LDLRAP1: variants seen among roughly 807,000 people sequenced by gnomAD.
The protein encoded by LDLRAP1 is low density lipoprotein receptor adapter protein 1.
In LDLRAP1, 30 loss-of-function variants were observed where a neutral mutation model predicts 37.8. The observed-to-expected ratio is 0.79, with a 90% confidence interval of 0.59 to 1.08. The LOEUF is 1.08. Among genes scored for constraint, LDLRAP1 ranks in the 50% least tolerant of loss-of-function variants. LDLRAP1 has a pLI of 0.00. For synonymous variants in LDLRAP1, 156 were observed against 169.8 expected, an observed-to-expected ratio of 0.92 and a Z score of 0.63; for missense variants, 375 against 401.6, an observed-to-expected ratio of 0.93 and a Z score of 0.57.
chr1:25,586,175 A>C, the LDLRAP1 span, among the ~76,000 whole-genome samples: 1 of 152,196 alleles, frequency 6.6e-6, no homozygotes, highest in Admixed American at 6.5e-5. The surrounding 1 kb of genome is among the most constrained non-coding windows in gnomAD (Gnocchi z 4.3). Flanking sequence ...AGAGGCCCAG[A>C]CTTCTAAAGA....
intron 4 of LDLRAP1, among the ~76,000 whole-genome samples, chr1:25,561,034 G>A (rs61776823): frequency 0.54 from 82,744 of 152,188 alleles, 22,810 homozygotes; most frequent in African/African-American, 0.63. Flanking sequence ...ATGTATGCAA[G>A]TGAACAATCA....
At chr1:25,545,350 G>A (rs2124638075) in intron 1 of LDLRAP1, among the ~76,000 whole-genome samples, 1 of 152,296 alleles carries the variant, frequency 6.6e-6, no homozygotes, top group African/African-American at 2.4e-5. Flanking sequence ...CTTTGGATGT[G>A]GAAGAGAATT....
intron 1 of LDLRAP1, among the ~76,000 whole-genome samples, chr1:25,547,897 T>C (rs1318519706): frequency 6.6e-6 from 1 of 152,194 alleles, no homozygotes. Flanking sequence ...GCAGGGAATG[T>C]TGAACTGGAG....
chr1:25,553,828 G>A, intron 1 of LDLRAP1, 94 bp from the exon 2 acceptor site: 1 of 1,483,456 alleles, frequency 6.7e-7, no homozygotes, highest in Admixed American at 1.9e-5. Context: ...CATCCCCCTT[G>A]CTGGGGTTTC....
At chr1:25,569,763 G>A (rs1318832386), downstream of LDLRAP1, among the ~76,000 whole-genome samples, 4 of 152,208 alleles carry the variant, frequency 2.6e-5, no homozygotes, top group South Asian at 2.1e-4. Flanking sequence ...TGTGCTGAGC[G>A]CAGATGGCAG....
At chr1:25,552,325 T>G (rs2044090474) in intron 1 of LDLRAP1, among the ~76,000 whole-genome samples, 1 of 152,204 alleles carries the variant, frequency 6.6e-6, no homozygotes, top group South Asian at 2.1e-4. Flanking sequence ...ACTTTCTTCC[T>G]GTGGCTTTTC....
intron 5 of LDLRAP1, 160 bp from the exon 6 acceptor site, chr1:25,562,910 T>C (rs1390721879): frequency 1.1e-5 from 9 of 835,428 alleles, no homozygotes; most frequent in Admixed American, 9.8e-5. Context: ...CCAAAGGTGC[T>C]TGTGAGGATT....
At chr1:25,563,536 G>A (rs2044397741) in intron 6 of LDLRAP1, 125 bp from the exon 7 acceptor site, 2 of 1,322,398 alleles carry the variant, frequency 1.5e-6, no homozygotes, top group Non-Finnish European at 2.1e-6. Context: ...GCCAGGGCCG[G>A]GCTCTGCTGG....
At chr1:25,564,433 C>G (rs578030364) in intron 7 of LDLRAP1, 1 of 162,424 alleles carries the variant, frequency 6.2e-6, no homozygotes, top group African/African-American at 2.4e-5. Context: ...GAAACAAACA[C>G]GATACTGTGC....
intron 1 of LDLRAP1, among the ~76,000 whole-genome samples, chr1:25,547,581 G>A (rs2043967404): frequency 6.6e-6 from 1 of 152,206 alleles, no homozygotes; most frequent in African/African-American, 2.4e-5. Flanking sequence ...GGAACTGTGG[G>A]AGGCAGTGTA....
In LDLRAP1 at chr1:25,554,953, G is replaced by A; in HGVS notation, c.325G>A (p.Glu109Lys). The change falls in exon 3 of 9, where the codon GAG (glutamate) becomes AAG (lysine). Residue 109 changes from glutamate to lysine, a missense_variant. Coordinates refer to ENST00000374338, the MANE Select transcript of LDLRAP1 (RefSeq NM_015627.3). This position sits in a 1 kb window ranked among gnomAD's most constrained non-coding sequence, Gnocchi z 5.4. ...AGACAACCTCACCAACCAGCTCATT[G>A]AGAACGTGTCCATATACAGGTACGC... ...LTDNLTNQLI[E>K]NVSIYRISYC... 1.2e-6 allele frequency: 2 copies of A among 1,614,108 alleles called. No homozygotes were observed. Among genetic ancestry groups the A allele is most frequent in the Non-Finnish European group, 1.7e-6 (2 of 1,179,936 alleles).
rs1336692886 is a variant in LDLRAP1, at chr1:25,563,767, C to A, written c.723C>A (p.Ala241=). The A allele has an allele frequency of 6.2e-7, 1 of 1,614,002 alleles. No homozygotes were observed. The highest frequency in any genetic ancestry group is 2.2e-5 in the East Asian group (1 of 44,886). Residue 241 remains alanine, a synonymous_variant, in exon 7 of 9, where the codon GCC becomes GCA. Coordinates refer to ENST00000374338, the MANE Select transcript of LDLRAP1 (RefSeq NM_015627.3). Reference sequence around the variant, plus strand: ...TGGACGAGGTGCCGCGGCCACAAGCCTTGAGTGGCAGCAGTGTTGTCTGGG... The same window carrying A: ...TGGACGAGGTGCCGCGGCCACAAGCATTGAGTGGCAGCAGTGTTGTCTGGG... The part of the protein sequence containing the change: ...TNMDEVPRPQ[A]LSGSSVVWEL...
At chr1:25,576,572 A>G in the LDLRAP1 span, among the ~76,000 whole-genome samples, 2 of 152,342 alleles carry the variant, frequency 1.3e-5, no homozygotes, top group East Asian at 3.9e-4. Flanking sequence ...CAAAAGTAGC[A>G]GTATGAGACG....
chr1:25,587,550 C>T, the LDLRAP1 span, among the ~76,000 whole-genome samples: 3 of 152,300 alleles, frequency 2.0e-5, no homozygotes, highest in Non-Finnish European at 2.9e-5. Flanking sequence ...ACAAACCAAC[C>T]GTTAACCTCA....
chr1:25,586,623 G>C, the LDLRAP1 span, among the ~76,000 whole-genome samples: 1 of 152,098 alleles, frequency 6.6e-6, no homozygotes, highest in South Asian at 2.1e-4. This position sits in a 1 kb window ranked among gnomAD's most constrained non-coding sequence, Gnocchi z 4.3. Context: ...CAGGGAGGGG[G>C]CTGAGTTAGG....
intron 1 of LDLRAP1, 105 bp from the exon 2 acceptor site, chr1:25,553,817 C>T: frequency 7.3e-7 from 1 of 1,371,964 alleles, no homozygotes; most frequent in Non-Finnish European, 1.0e-6. Flanking sequence ...GGGGAGACCC[C>T]CATCCCCCTT....
rs2044554499 is a variant in LDLRAP1, at chr1:25,568,798, T to G, written c.*1806T>G. On this transcript the variant is annotated 3_prime_UTR_variant, in exon 9 of 9. Transcript: ENST00000374338. ...TGACGGGCTGTCCGTGTGCCTCCTG[T>G]GTGTCTGCAGACAAGTCTTGCTGTG... The G allele has an allele frequency of 2.0e-5, 3 of 152,276 alleles. No homozygotes were observed. The highest frequency in any genetic ancestry group is 2.0e-4 in the Admixed American group (3 of 15,294). 9.4% of individuals were successfully genotyped at this position (152,276 alleles called of 1,614,324 possible). A position where few individuals can be genotyped will look rare whatever the true frequency, so the allele number is the denominator to read the frequency against.
At chr1:25,545,345 G>C (rs1486734747) in intron 1 of LDLRAP1, among the ~76,000 whole-genome samples, 1 of 152,210 alleles carries the variant, frequency 6.6e-6, no homozygotes, top group African/African-American at 2.4e-5. Context: ...AGCCGCTTTG[G>C]ATGTGGAAGA....
rs988408941 is a variant in LDLRAP1, at chr1:25,543,655, C to T, written c.-44C>T. 4.2e-6 allele frequency: 5 copies of T among 1,187,664 alleles called. No homozygotes were observed. The highest frequency in any genetic ancestry group is 3.0e-4 in the Middle Eastern group (1 of 3,288). The allele number at this position is 1,187,664 out of a possible 1,614,324, so 73.6% of individuals were successfully genotyped here. A position where few individuals can be genotyped will look rare whatever the true frequency, so the allele number is the denominator to read the frequency against. On this transcript the variant is annotated 5_prime_UTR_variant, in exon 1 of 9. It adds an upstream start codon to the 5' untranslated region. Coordinates refer to ENST00000374338, the MANE Select transcript of LDLRAP1 (RefSeq NM_015627.3). Reference sequence around the variant, plus strand: ...GGGCCGGGCGGAAAGTTTTTCCTGACGGAGTTTTGGCTGCGGCAGCGGCGG... The same window carrying T: ...GGGCCGGGCGGAAAGTTTTTCCTGATGGAGTTTTGGCTGCGGCAGCGGCGG...
Sources: allele counts gnomAD v4.1 joint callset (sites outside exome capture counted in the v4.1 genomes callset), GRCh38; gene constraint gnomAD v4.1.1; non-coding constraint Gnocchi (gnomAD v3.1); transcripts MANE v1.5; gene names NCBI Gene and HGNC (gene_info 2026-07-23, HGNC 2026-07-21).